The following ZNF892 variants were observed in gnomAD, a reference collection of about 807,000 sequenced individuals.
The protein encoded by ZNF892 is zinc finger protein 570-like.
chr2:95,248,680 C>T, the ZNF892 span, among the ~76,000 whole-genome samples: 2 of 152,034 alleles, frequency 1.3e-5, no homozygotes, highest in African/African-American at 2.4e-5. Flanking sequence ...AAAAACTAAT[C>T]TCTAATTTTA....
At chr2:95,206,598 C>T in the ZNF892 span, among the ~76,000 whole-genome samples, 5 of 152,200 alleles carry the variant, frequency 3.3e-5, no homozygotes, top group Admixed American at 3.3e-4. Flanking sequence ...AGGTGCAAGG[C>T]TTTAAATCTT....
chr2:95,245,007 A>G, the ZNF892 span, among the ~76,000 whole-genome samples: 3 of 152,202 alleles, frequency 2.0e-5, no homozygotes, highest in African/African-American at 7.2e-5. Flanking sequence ...CAAAGAGACA[A>G]CATACCAGAA....
At chr2:95,247,697 T>A in the ZNF892 span, among the ~76,000 whole-genome samples, 3 of 151,896 alleles carry the variant, frequency 2.0e-5, no homozygotes, top group Non-Finnish European at 2.9e-5. Flanking sequence ...AACAGACACT[T>A]CTCAAAAAAA....
chr2:95,260,725 CT>C, the ZNF892 span, among the ~76,000 whole-genome samples: 1 of 152,236 alleles, frequency 6.6e-6, no homozygotes, highest in Admixed American at 6.5e-5. Context: ...CCCAGGCAAA[CT>C]GCTGCCTCTG....
the ZNF892 span, among the ~76,000 whole-genome samples, chr2:95,231,471 T>C: frequency 2.0e-5 from 3 of 152,210 alleles, no homozygotes; most frequent in Non-Finnish European, 4.4e-5. Context: ...TGCATACAAC[T>C]GTGTATCTGT....
chr2:95,216,356 A>T, the ZNF892 span, among the ~76,000 whole-genome samples: 1 of 152,214 alleles, frequency 6.6e-6, no homozygotes, highest in Non-Finnish European at 1.5e-5. Flanking sequence ...AAGGGTCAAG[A>T]ACAACAGCTT....
At chr2:95,217,730 T>C in the ZNF892 span, among the ~76,000 whole-genome samples, 1 of 152,120 alleles carries the variant, frequency 6.6e-6, no homozygotes, top group Admixed American at 6.5e-5. Context: ...AGAATAACCC[T>C]CTTTTGCTCA....
At chr2:95,237,141 CTTTT>C in the ZNF892 span, among the ~76,000 whole-genome samples, 17 of 133,564 alleles carry the variant, frequency 1.3e-4, no homozygotes, top group African/African-American at 4.4e-4. Flanking sequence ...GATCAGTGAG[CTTTT>C]TTTTTTTTTT....
At chr2:95,227,294 C>T in the ZNF892 span, among the ~76,000 whole-genome samples, 1 of 152,018 alleles carries the variant, frequency 6.6e-6, no homozygotes, top group Non-Finnish European at 1.5e-5. Flanking sequence ...CTGTATCTTA[C>T]AAGAATATGT....
At chr2:95,215,007 C>T in the ZNF892 span, 1 of 497,614 alleles carries the variant, frequency 2.0e-6, no homozygotes, top group Non-Finnish European at 3.7e-6. Flanking sequence ...TCAACATCAG[C>T]GAATTCATAC....
At chr2:95,242,658 G>A in the ZNF892 span, among the ~76,000 whole-genome samples, 1 of 152,196 alleles carries the variant, frequency 6.6e-6, no homozygotes, top group Non-Finnish European at 1.5e-5. Flanking sequence ...AACCTTAAAT[G>A]TAAATGGGCT....
At chr2:95,233,852 G>A in the ZNF892 span, among the ~76,000 whole-genome samples, 1 of 151,284 alleles carries the variant, frequency 6.6e-6, no homozygotes, top group African/African-American at 2.4e-5. Context: ...GCTAATTTTT[G>A]TATTTTTTGT....
At chr2:95,238,887 C>G in the ZNF892 span, among the ~76,000 whole-genome samples, 1 of 152,040 alleles carries the variant, frequency 6.6e-6, no homozygotes, top group Non-Finnish European at 1.5e-5. Context: ...GCCTGTAATC[C>G]CAGCACTTTG....
chr2:95,235,871 A>C, the ZNF892 span, among the ~76,000 whole-genome samples: 1 of 152,348 alleles, frequency 6.6e-6, no homozygotes. Context: ...GCCAGTTCAA[A>C]AGAGGAAGAA....
the ZNF892 span, among the ~76,000 whole-genome samples, chr2:95,240,040 T>C: frequency 2.6e-5 from 4 of 152,144 alleles, no homozygotes. Flanking sequence ...CTAGTAGATC[T>C]ACTTTTATAA....
At chr2:95,230,971 T>C in the ZNF892 span, among the ~76,000 whole-genome samples, 1 of 152,146 alleles carries the variant, frequency 6.6e-6, no homozygotes, top group South Asian at 2.1e-4. Flanking sequence ...TAAAAAAATA[T>C]AAGGAAGGTC....
the ZNF892 span, among the ~76,000 whole-genome samples, chr2:95,210,147 A>G: frequency 6.7e-6 from 1 of 148,916 alleles, no homozygotes; most frequent in Non-Finnish European, 1.5e-5. Flanking sequence ...ACATGTATAT[A>G]TGTATATATG....
chr2:95,206,502 A>T, the ZNF892 span, among the ~76,000 whole-genome samples: 2 of 152,252 alleles, frequency 1.3e-5, no homozygotes, highest in Non-Finnish European at 2.9e-5. Context: ...CTACAGAAGT[A>T]AAAACATGCC....
At chr2:95,246,220 T>A in the ZNF892 span, among the ~76,000 whole-genome samples, 1 of 152,166 alleles carries the variant, frequency 6.6e-6, no homozygotes, top group Non-Finnish European at 1.5e-5. Flanking sequence ...CATATGCAAA[T>A]CAGTAAATGT....
Sources: allele counts gnomAD v4.1 joint callset (sites outside exome capture counted in the v4.1 genomes callset), GRCh38; gene constraint gnomAD v4.1.1; transcripts MANE v1.5; gene names NCBI Gene and HGNC (gene_info 2026-07-23, HGNC 2026-07-21).